WFS1: variants seen among roughly 807,000 people sequenced by gnomAD.
WFS1 encodes wolframin ER transmembrane glycoprotein.
WFS1 carries 90 observed loss-of-function variants against 68.5 expected under a neutral mutation model. That is an observed-to-expected ratio of 1.31 (90% CI 1.11 to 1.56). The LOEUF is 1.56. Ranked by LOEUF, WFS1 falls within the 40% of genes most tolerant of loss-of-function variation. The pLI, the probability that WFS1 is intolerant of heterozygous loss-of-function variation, is 0.00. For missense variants in WFS1, 1,767 were observed against 1,232.6 expected (o/e 1.43, Z -6.49); for synonymous variants, 860 against 540.7 (o/e 1.59, Z -8.19).
At chr4:6,286,832 G>C (rs905823955) in intron 2 of WFS1, among the ~76,000 whole-genome samples, 6 of 152,160 alleles carry the variant, frequency 3.9e-5, no homozygotes, top group Admixed American at 1.3e-4. Context: ...CTCCCACCCC[G>C]AGCGCTTTGA....
In WFS1 at chr4:6,287,219, G is replaced by A. The variant is rs531045462; in HGVS notation, c.315+44G>A. ...GCAGGGACTTCGGGACGCGGCCCCCGGCACAACAGGCCTGGCCACGAGCTC... is the reference window on the plus strand; with the variant it reads ...GCAGGGACTTCGGGACGCGGCCCCCAGCACAACAGGCCTGGCCACGAGCTC... On this transcript the variant is annotated intron_variant, in intron 3 of 7. Coordinates refer to ENST00000226760, the MANE Select transcript of WFS1 (RefSeq NM_006005.3). The surrounding 1 kb of genome is among the most constrained non-coding windows in gnomAD (Gnocchi z 6.4). 4.9e-5 allele frequency: 73 copies of A among 1,505,036 alleles called. No individual in the cohort carries two copies. Among genetic ancestry groups the A allele is most frequent in the South Asian group, 2.8e-4 (23 of 83,050 alleles). The allele number at this position is 1,505,036 out of a possible 1,614,324, so 93.2% of individuals were successfully genotyped here.
rs1553878254 is a variant in WFS1 at position 6,300,684 on chromosome 4, A to G, written c.889A>G (p.Met297Val). 1 of 1,613,982 alleles carries G rather than the reference A, an allele frequency of 6.2e-7. No individual in the cohort carries two copies. The highest frequency in any genetic ancestry group is 8.5e-7 in the Non-Finnish European group (1 of 1,179,938). ...GGTCAAGTACCCCCTGCACGCCATCATGGAGATCAAGGAGTACCTGATTGA... is the reference window on the plus strand; with the variant it reads ...GGTCAAGTACCCCCTGCACGCCATCGTGGAGATCAAGGAGTACCTGATTGA... ...KVVKYPLHAI[M>V]EIKEYLIDMA... Residue 297 changes from methionine (M) to valine (V), a missense_variant, in exon 8 of 8, where the codon ATG becomes GTG. Physicochemically the swap from Met to Val is conservative, Grantham distance 21. Coordinates refer to ENST00000226760, the MANE Select transcript of WFS1 (RefSeq NM_006005.3).
At chr4:6,284,954 A>G (rs2109112549) in intron 2 of WFS1, among the ~76,000 whole-genome samples, 1 of 151,458 alleles carries the variant, frequency 6.6e-6, no homozygotes, top group Middle Eastern at 3.4e-3. Flanking sequence ...GCCCGCAGCC[A>G]GAAACCACGC....
chr4:6,286,673 C>T (rs1730317192), intron 2 of WFS1, among the ~76,000 whole-genome samples: 1 of 152,172 alleles, frequency 6.6e-6, no homozygotes, highest in African/African-American at 2.4e-5. Flanking sequence ...TGTTGGGGTT[C>T]TGGGCTTCGG....
intron 2 of WFS1, among the ~76,000 whole-genome samples, chr4:6,286,726 T>G (rs1299434740): frequency 1.3e-5 from 2 of 152,204 alleles, no homozygotes; most frequent in Non-Finnish European, 2.9e-5. Context: ...CTGTCAAACT[T>G]GAGTCCTTGG....
In WFS1 at chr4:6,289,078, A is replaced by AGGGCCGTCGCGAGGCT. The variant is rs1362648752; in HGVS notation, c.409_424dup (p.Val142GlyfsTer110). 57 of 1,589,018 alleles carry AGGGCCGTCGCGAGGCT rather than the reference A, an allele frequency of 3.6e-5. No homozygotes were observed. The highest frequency in any genetic ancestry group is 1.4e-4 in the Admixed American group (8 of 56,086). On this transcript the variant is annotated frameshift_variant, in exon 4 of 8. Transcript: ENST00000226760. LOFTEE classifies it high-confidence loss of function. ...GACTGGCTGGTCCTCGCCGCGAAGC[A>AGGGCCGTCGCGAGGCT]GGGCCGTCGCGAGGCTGTGAAGCTG...
Position 6,287,493 on chromosome 4 carries a change from C to T in WFS1, c.315+318C>T, listed in dbSNP as rs1191542365. Among the ~76,000 whole-genome samples, 1 of 152,202 alleles carries T rather than the reference C, an allele frequency of 6.6e-6. No homozygotes were observed. Among genetic ancestry groups the T allele is most frequent in the African/African-American group, 2.4e-5 (1 of 41,452 alleles). On this transcript the variant is annotated intron_variant, in intron 3 of 7. Coordinates refer to ENST00000226760, the MANE Select transcript of WFS1 (RefSeq NM_006005.3). This position sits in a 1 kb window ranked among gnomAD's most constrained non-coding sequence, Gnocchi z 6.4. Reference sequence around the variant, plus strand: ...CTGCTCAGTGCCACCCCTCAACATACACTGTGTATGCTGCCCACTCTTGTC... The same window carrying T: ...CTGCTCAGTGCCACCCCTCAACATATACTGTGTATGCTGCCCACTCTTGTC...
In WFS1 at chr4:6,301,407, T is replaced by G; in HGVS notation, c.1612T>G (p.Phe538Val). ...CTACCTTGTGCCCTACCTGGTGTGC[T>G]TCATGTGGTGTGAGCTCTCCGTGGT... Reference protein sequence around the residue: ...YCYLVPYLVCFMWCELSVVIL... With the variant: ...YCYLVPYLVCVMWCELSVVIL... The change falls in exon 8 of 8, where the codon TTC becomes GTC. Residue 538 changes from phenylalanine to valine, a missense_variant. Coordinates refer to ENST00000226760, the MANE Select transcript of WFS1 (RefSeq NM_006005.3). 6.2e-7 allele frequency: 1 copy of G among 1,612,608 alleles called. No homozygotes were observed. Among genetic ancestry groups the G allele is most frequent in the Non-Finnish European group, 8.5e-7 (1 of 1,180,026 alleles).
chr4:6,290,223 G>A (rs914419646), intron 4 of WFS1, among the ~76,000 whole-genome samples: 1 of 152,246 alleles, frequency 6.6e-6, no homozygotes, highest in Non-Finnish European at 1.5e-5. Context: ...ACAGGCGTGA[G>A]CCACCATGCC....
intron 6 of WFS1, among the ~76,000 whole-genome samples, chr4:6,293,945 A>G (rs1730548586): frequency 6.6e-6 from 1 of 152,182 alleles, no homozygotes; most frequent in African/African-American, 2.4e-5. Context: ...CTCAGTCTAC[A>G]GTGAGCTACT....
intron 1 of WFS1, among the ~76,000 whole-genome samples, chr4:6,275,380 C>A (rs146372938): frequency 6.6e-6 from 1 of 152,310 alleles, no homozygotes; most frequent in African/African-American, 2.4e-5. Context: ...ACGTGCGATC[C>A]TGTATTTCTC....
chr4:6,289,023 G>A lies in WFS1; in HGVS notation c.352G>A (p.Asp118Asn), dbSNP rs1186347459. 2.5e-6 allele frequency: 4 copies of A among 1,608,060 alleles called. No homozygotes were observed. Among genetic ancestry groups the A allele is most frequent in the Non-Finnish European group, 8.5e-7 (1 of 1,177,662 alleles). The change falls in exon 4 of 8, where the codon GAT becomes AAT. Residue 118 changes from aspartate (D) to asparagine (N), a missense_variant. Physicochemically the swap from Asp to Asn is conservative, Grantham distance 23. Transcript: ENST00000226760. The stretch of plus-strand genomic sequence containing the variant: ...CTACCTGCAGTTGGCCGGCGACACG[G>A]ATGAAGAACTCAACAGCTGCACCGC... ...KHYLQLAGDT[D>N]EELNSCTAVD...
At position 6,302,697 on chromosome 4, in the gene WFS1, C is replaced by T; in HGVS notation, c.*229C>T. On this transcript the variant is annotated 3_prime_UTR_variant, in exon 8 of 8. Coordinates refer to ENST00000226760, the MANE Select transcript of WFS1 (RefSeq NM_006005.3). ...GTGTGTTGGGAATTGCATGCCATCT[C>T]CACCCTGAGCCTGACCTTTCTGAGT... The T allele has an allele frequency of 1.5e-6, 1 of 645,540 alleles. No homozygotes were observed. Among genetic ancestry groups the T allele is most frequent in the Non-Finnish European group, 2.6e-6 (1 of 380,116 alleles). 40.0% of individuals were successfully genotyped at this position (645,540 alleles called of 1,614,324 possible).
chr4:6,277,189 G>A (rs536884771), intron 1 of WFS1, among the ~76,000 whole-genome samples: 1 of 152,220 alleles, frequency 6.6e-6, no homozygotes, highest in South Asian at 2.1e-4. Context: ...GTGAGGCAGG[G>A]ACTCCAGGCC....
intron 7 of WFS1, among the ~76,000 whole-genome samples, chr4:6,297,518 C>T (rs759981484): frequency 6.6e-6 from 1 of 152,192 alleles, no homozygotes; most frequent in Non-Finnish European, 1.5e-5. Flanking sequence ...ACATTTTTAA[C>T]ATTACATAAT....
At position 6,300,702 on chromosome 4, in the gene WFS1, C is replaced by G. The variant is rs752256328; in HGVS notation, c.907C>G (p.Leu303Val). The G allele has an allele frequency of 5.6e-6, 9 of 1,614,098 alleles. No homozygotes were observed. The highest frequency in any genetic ancestry group is 4.4e-5 in the South Asian group (4 of 91,082). Residue 303 changes from leucine to valine, a missense_variant, in exon 8 of 8, where the codon CTG becomes GTG. Physicochemically the swap from Leu to Val is conservative, Grantham distance 32. Transcript: ENST00000226760. ...CGCCATCATGGAGATCAAGGAGTAC[C>G]TGATTGACATGGCCTCCAGGGCAGG... ...LHAIMEIKEY[L>V]IDMASRAGMH...
intron 6 of WFS1, among the ~76,000 whole-genome samples, chr4:6,292,493 T>G (rs562776298): frequency 2.0e-5 from 3 of 151,722 alleles, no homozygotes; most frequent in South Asian, 4.2e-4. Flanking sequence ...AGAGCCTAGG[T>G]TGGGGGATAG....
chr4:6,289,099 A>G lies in WFS1; in HGVS notation c.428A>G (p.Lys143Arg). 6.3e-7 allele frequency: 1 copy of G among 1,583,062 alleles called. No homozygotes were observed. The highest frequency in any genetic ancestry group is 8.6e-7 in the Non-Finnish European group (1 of 1,164,992). Residue 143 changes from lysine to arginine, a missense_variant, in exon 4 of 8, where the codon AAG (lysine) becomes AGG (arginine). By Grantham distance (26) the Lys-to-Arg change is conservative. Transcript: ENST00000226760. ...AAGCAGGGCCGTCGCGAGGCTGTGA[A>G]GCTGCTTCGCCGGTGCTTGGCGGAC... ...AAKQGRREAV[K>R]LLRRCLADRR...
chr4:6,278,286 C>T (rs1730057676), intron 2 of WFS1, among the ~76,000 whole-genome samples: 1 of 152,216 alleles, frequency 6.6e-6, no homozygotes, highest in African/African-American at 2.4e-5. Flanking sequence ...GCAGAGCTGA[C>T]AGGCTTGTTG....
Sources: allele counts gnomAD v4.1 joint callset (sites outside exome capture counted in the v4.1 genomes callset), GRCh38; gene constraint gnomAD v4.1.1; non-coding constraint Gnocchi (gnomAD v3.1); transcripts MANE v1.5; gene names NCBI Gene and HGNC (gene_info 2026-07-23, HGNC 2026-07-21).